MED12L: variants seen among roughly 807,000 people sequenced by gnomAD.
The protein encoded by MED12L is mediator of RNA polymerase II transcription subunit 12-like protein.
In MED12L, 60 loss-of-function variants were observed where a neutral mutation model predicts 281.3. The ratio of observed to expected loss-of-function variants is 0.21; its 90% CI spans 0.17 to 0.26. MED12L has a LOEUF of 0.26. MED12L is among the 10% of genes least tolerant of loss of function. MED12L has a pLI of 1.00. For synonymous variants in MED12L, 974 were observed against 987.2 expected (o/e 0.99, Z 0.25); for missense variants, 2,146 against 2,680.9 (o/e 0.80, Z 4.41).
intron 43 of MED12L, among the ~76,000 whole-genome samples, chr3:151,421,348 A>G (rs548295959): frequency 1.3e-5 from 2 of 151,840 alleles, no homozygotes; most frequent in South Asian, 2.1e-4. Context: ...TCTTCCCCAA[A>G]TTTCTTTGTC....
chr3:151,341,488 GTTGT>G (rs1751813344), intron 16 of MED12L, among the ~76,000 whole-genome samples: 1 of 151,686 alleles, frequency 6.6e-6, no homozygotes, highest in Admixed American at 6.6e-5. Flanking sequence ...ATTATTTACA[GTTGT>G]TTAACTTTGA....
chr3:151,151,555 T>C (rs1445241247), intron 5 of MED12L, among the ~76,000 whole-genome samples: 1 of 125,802 alleles, frequency 7.9e-6, no homozygotes, highest in Non-Finnish European at 1.6e-5. Context: ...AATTTTAATA[T>C]TGTGTCTCAG....
chr3:151,393,979 C>CT (rs928061963), intron 38 of MED12L, among the ~76,000 whole-genome samples: 8 of 151,862 alleles, frequency 5.3e-5, no homozygotes, highest in Admixed American at 4.6e-4. Flanking sequence ...CAAATGTCGA[C>CT]TTTTTTTTCC....
chr3:151,149,259 A>G (rs1400026801), intron 5 of MED12L, among the ~76,000 whole-genome samples: 1 of 152,192 alleles, frequency 6.6e-6, no homozygotes, highest in Non-Finnish European at 1.5e-5. Context: ...GAGGGAACTA[A>G]ATGTTAGAAT....
intron 16 of MED12L, chr3:151,269,767 C>T: frequency 2.4e-6 from 1 of 422,670 alleles, no homozygotes; most frequent in African/African-American, 2.1e-5. Flanking sequence ...GAGTGGTGAT[C>T]TATTTTTAGA....
chr3:151,334,199 T>TTTTTTTTTTTTGCCA, intron 16 of MED12L, among the ~76,000 whole-genome samples: 1 of 145,142 alleles, frequency 6.9e-6, no homozygotes, highest in Non-Finnish European at 1.5e-5. Flanking sequence ...TTTCTTTCTT[T>TTTTTTTTTTTTGCCA]TTTTTTTTGC....
chr3:151,163,331 CA>C (rs1210311240), intron 8 of MED12L, among the ~76,000 whole-genome samples: 1 of 152,026 alleles, frequency 6.6e-6, no homozygotes, highest in Non-Finnish European at 1.5e-5. Context: ...ATTATTAAAA[CA>C]AAAATGAAGA....
chr3:151,420,231 T>C (rs924917975), intron 43 of MED12L, among the ~76,000 whole-genome samples: 1 of 152,206 alleles, frequency 6.6e-6, no homozygotes, highest in African/African-American at 2.4e-5. Context: ...TATTGTGGAA[T>C]AGTAGACTGA....
At chr3:151,238,994 A>T (rs1403647665) in intron 16 of MED12L, among the ~76,000 whole-genome samples, 1 of 152,216 alleles carries the variant, frequency 6.6e-6, no homozygotes, top group Non-Finnish European at 1.5e-5. Flanking sequence ...ACAATTTTTG[A>T]CAATGATAAA....
At chr3:151,311,978 G>GT (rs1220963365) in intron 16 of MED12L, among the ~76,000 whole-genome samples, 1 of 152,190 alleles carries the variant, frequency 6.6e-6, no homozygotes, top group Non-Finnish European at 1.5e-5. Flanking sequence ...GGTTGCAGAG[G>GT]TTGCAGTGAG....
At chr3:151,405,529 T>C (rs1026720896) in intron 39 of MED12L, among the ~76,000 whole-genome samples, 4 of 152,136 alleles carry the variant, frequency 2.6e-5, no homozygotes, top group Non-Finnish European at 5.9e-5. Context: ...CCCAACACTT[T>C]AGGAGGCCAA....
intron 16 of MED12L, among the ~76,000 whole-genome samples, chr3:151,313,365 A>T (rs1016629): frequency 6.6e-6 from 1 of 152,170 alleles, no homozygotes; most frequent in Non-Finnish European, 1.5e-5. Flanking sequence ...CAATAAGTCT[A>T]TATCATTTTA....
chr3:151,086,932 C>A lies in MED12L; in HGVS notation c.6C>A (p.Ala2=). ...GCCGGTTAACATGAGAGATCATGGC[C>A]GCCTTCGGGCTTCTCAGCTATGAGC... M[A]AFGLLSYEQR... Residue 2 remains alanine (A), a synonymous_variant, in exon 2 of 45, where the codon GCC becomes GCA. Coordinates refer to ENST00000687756, the MANE Select transcript of MED12L (RefSeq NM_001393769.1). 1 of 1,595,138 alleles carries A rather than the reference C, an allele frequency of 6.3e-7. No individual in the cohort carries two copies. The highest frequency in any genetic ancestry group is 8.5e-7 in the Non-Finnish European group (1 of 1,171,854).
At chr3:151,366,136 C>A in intron 23 of MED12L, 145 bp downstream of exon 23, 1 of 617,506 alleles carries the variant, frequency 1.6e-6, no homozygotes, top group South Asian at 5.0e-5. Context: ...AAGCAGTAAA[C>A]CACAATGACA....
intron 16 of MED12L, among the ~76,000 whole-genome samples, chr3:151,196,568 A>G (rs1014705268): frequency 5.9e-5 from 9 of 152,222 alleles, no homozygotes; most frequent in Non-Finnish European, 8.8e-5. Flanking sequence ...TCTGTGAATA[A>G]TACTTGATCT....
chr3:151,395,449 A>G (rs112296099), intron 39 of MED12L, among the ~76,000 whole-genome samples: 21 of 152,340 alleles, frequency 1.4e-4, no homozygotes, highest in African/African-American at 3.1e-4. Context: ...CTATAACTCA[A>G]TGTTCTTCAT....
chr3:151,432,208 T>C lies in MED12L; in HGVS notation c.6491-544T>C, dbSNP rs147995365. ...GTCATTTTTTGGTATCTACTGACCA[T>C]TCCTTGTTTCTGTATGCATGTGCAG... On this transcript the variant is annotated intron_variant, in intron 44 of 44. Transcript: ENST00000687756. 5.8e-3 allele frequency among the ~76,000 whole-genome samples: 876 copies of C among 152,330 alleles called. 10 individuals carry two copies. Among genetic ancestry groups the C allele is most frequent in the Non-Finnish European group, 6.0e-3 (411 of 68,016 alleles).
At chr3:151,129,715 TTGTG>T (rs62785262) in intron 5 of MED12L, among the ~76,000 whole-genome samples, 19,504 of 146,976 alleles carry the variant, frequency 0.13, 1,298 homozygotes, top group Middle Eastern at 0.19. Flanking sequence ...ATATCTACAT[TTGTG>T]TGTGTGTGTG....
At chr3:151,265,791 G>T (rs1739711648) in intron 16 of MED12L, among the ~76,000 whole-genome samples, 1 of 152,042 alleles carries the variant, frequency 6.6e-6, no homozygotes, top group Non-Finnish European at 1.5e-5. Context: ...TGGTAAGATT[G>T]TGTTTGTATA....
Sources: allele counts gnomAD v4.1 joint callset (sites outside exome capture counted in the v4.1 genomes callset), GRCh38; gene constraint gnomAD v4.1.1; transcripts MANE v1.5; gene names NCBI Gene and HGNC (gene_info 2026-07-23, HGNC 2026-07-21).